Variants in GRM5 observed in about 807,000 individuals in gnomAD.
The protein encoded by GRM5 is glutamate metabotropic receptor 5.
In GRM5, 19 loss-of-function variants were observed where a neutral mutation model predicts 83.1. The observed-to-expected ratio is 0.23, with a 90% CI of 0.16 to 0.34. The LOEUF (loss-of-function observed/expected upper bound fraction) is 0.34, where lower values mean the gene tolerates loss of function less well. Among genes scored for constraint, GRM5 ranks in the 10% least tolerant of loss-of-function variants. The probability of loss-of-function intolerance (pLI) is 1.00; values close to 1 mark genes in which losing one functional copy is unlikely to be tolerated. For synonymous variants in GRM5, 675 were observed against 633.6 expected, an observed-to-expected ratio of 1.07 and a Z score of -0.98; for missense variants, 1,160 against 1,588.3, an observed-to-expected ratio of 0.73 and a Z score of 4.58.
intron 4 of GRM5, among the ~76,000 whole-genome samples, chr11:88,642,765 A>G (rs977972151): frequency 6.6e-6 from 1 of 152,166 alleles, no homozygotes; most frequent in African/African-American, 2.4e-5. Context: ...CTAAGACATG[A>G]CAAGGATGAC....
intron 8 of GRM5, among the ~76,000 whole-genome samples, chr11:88,539,166 G>A (rs776165238): frequency 7.2e-5 from 11 of 152,170 alleles, no homozygotes; most frequent in Non-Finnish European, 1.2e-4. Flanking sequence ...GGTGCTCGAT[G>A]GAAGCAGATT....
At chr11:88,986,112 T>A (rs1239833340) in intron 2 of GRM5, among the ~76,000 whole-genome samples, 1 of 152,180 alleles carries the variant, frequency 6.6e-6, no homozygotes, top group East Asian at 1.9e-4. Flanking sequence ...CTTAAATGGA[T>A]GAACGTTTAA....
chr11:88,726,127 G>A (rs868509867), intron 3 of GRM5, among the ~76,000 whole-genome samples: 5 of 152,066 alleles, frequency 3.3e-5, no homozygotes, highest in African/African-American at 1.2e-4. Context: ...ATGTAAAGAA[G>A]CTAAGAACCT....
At chr11:88,540,454 T>G (rs761728286) in intron 8 of GRM5, among the ~76,000 whole-genome samples, 2 of 152,142 alleles carry the variant, frequency 1.3e-5, no homozygotes, top group Admixed American at 6.5e-5. Flanking sequence ...TTTGCCTATA[T>G]ACATGCGAGG....
chr11:89,048,041 T>C lies in GRM5; in HGVS notation c.-169A>G, dbSNP rs201980304. Reference sequence around the variant, plus strand: ...ATTTTGTCCCCATGTACCATTTAGTTAGATGATCCATGTGGTCATGATCTT... The same window carrying C: ...ATTTTGTCCCCATGTACCATTTAGTCAGATGATCCATGTGGTCATGATCTT... On this transcript the variant is annotated 5_prime_UTR_variant, in exon 2 of 10. The change abolishes the stop of an existing upstream ORF in the 5' untranslated region. Transcript: ENST00000305447. The C allele has an allele frequency of 1.3e-3, 765 of 598,142 alleles. 19 individuals are homozygous for C. The South Asian group carries it at 0.015, about 12-fold the overall frequency. 37.1% of individuals were successfully genotyped at this position (598,142 alleles called of 1,614,324 possible). A position where few individuals can be genotyped will look rare whatever the true frequency, so the allele number is the denominator to read the frequency against.
chr11:88,844,476 T>C (rs1944264349), intron 3 of GRM5, among the ~76,000 whole-genome samples: 1 of 152,130 alleles, frequency 6.6e-6, no homozygotes, highest in Admixed American at 6.6e-5. Flanking sequence ...GATGGAGACA[T>C]ACATGGAGTT....
At chr11:88,919,954 A>T (rs1171433284) in intron 2 of GRM5, among the ~76,000 whole-genome samples, 2 of 152,072 alleles carry the variant, frequency 1.3e-5, no homozygotes, top group Non-Finnish European at 2.9e-5. Flanking sequence ...AAGGCATATA[A>T]ATTTTAGATA....
intron 2 of GRM5, among the ~76,000 whole-genome samples, chr11:88,953,957 C>A (rs1157201354): frequency 1.3e-5 from 2 of 152,126 alleles, no homozygotes; most frequent in Non-Finnish European, 2.9e-5. Context: ...GTAAACACCA[C>A]TGAAAGAACA....
At chr11:88,983,670 ATATACTT>A (rs1356821305) in intron 2 of GRM5, among the ~76,000 whole-genome samples, 1 of 152,196 alleles carries the variant, frequency 6.6e-6, no homozygotes, top group Admixed American at 6.5e-5. Flanking sequence ...ACTTCTGATA[ATATACTT>A]TATACTTTTT....
chr11:89,017,105 C>A (rs964372798), intron 2 of GRM5, among the ~76,000 whole-genome samples: 8 of 152,106 alleles, frequency 5.3e-5, no homozygotes, highest in African/African-American at 1.9e-4. Flanking sequence ...CTTTAACATT[C>A]TGTCACCATA....
At chr11:89,055,461 A>G (rs181984432) in intron 1 of GRM5, among the ~76,000 whole-genome samples, 348 of 152,282 alleles carry the variant, frequency 2.3e-3, no homozygotes, top group African/African-American at 7.9e-3. Flanking sequence ...AGTATTCATT[A>G]CCAAGCTAAT....
At position 88,632,951 on chromosome 11, in the gene GRM5, C is replaced by T. The variant is rs540764915; in HGVS notation, c.1147+20217G>A. Among the ~76,000 whole-genome samples, 86 of 152,264 alleles carry T rather than the reference C, an allele frequency of 5.6e-4. 1 individual carries two copies. The South Asian group carries it at 9.5e-3, about 17-fold the overall frequency. ...AATGATTAATCATATTGAGCATCTT[C>T]TCCTGTACTTATCTGCAATCCTTAT... On this transcript the variant is annotated intron_variant, in intron 4 of 9. Transcript: ENST00000305447.
intron 3 of GRM5, among the ~76,000 whole-genome samples, chr11:88,810,406 T>G (rs1943568218): frequency 6.6e-6 from 1 of 152,110 alleles, no homozygotes; most frequent in Non-Finnish European, 1.5e-5. Context: ...ATATCAATTC[T>G]GTACAAACAT....
intron 4 of GRM5, among the ~76,000 whole-genome samples, chr11:88,614,403 C>T (rs976400645): frequency 6.6e-6 from 1 of 152,104 alleles, no homozygotes; most frequent in Non-Finnish European, 1.5e-5. Flanking sequence ...ATCATAATAA[C>T]CTTTAGTCAC....
chr11:88,928,907 TACACACACACACAC>T (rs1555043262), intron 2 of GRM5, among the ~76,000 whole-genome samples: 40 of 138,672 alleles, frequency 2.9e-4, no homozygotes, highest in African/African-American at 1.1e-3. Context: ...TATGTGTATA[TACACACACACACAC>T]ACACACACAC....
chr11:88,720,133 T>C (rs891661929), intron 3 of GRM5, among the ~76,000 whole-genome samples: 17 of 152,068 alleles, frequency 1.1e-4, no homozygotes, highest in African/African-American at 1.7e-4. Context: ...AGGTATCCAA[T>C]TGATAGTTGT....
At chr11:88,944,494 AC>A (rs772882811) in intron 2 of GRM5, among the ~76,000 whole-genome samples, 2 of 151,860 alleles carry the variant, frequency 1.3e-5, no homozygotes, top group Non-Finnish European at 1.5e-5. Flanking sequence ...TCATATAGTT[AC>A]CCTTTGTGTG....
intron 2 of GRM5, among the ~76,000 whole-genome samples, chr11:88,956,349 T>C (rs550701462): frequency 6.6e-6 from 1 of 152,370 alleles, no homozygotes; most frequent in Non-Finnish European, 1.5e-5. Context: ...ATTAAGTGAA[T>C]TATTTTGTTG....
At chr11:88,635,971 A>G (rs1033453536) in intron 4 of GRM5, among the ~76,000 whole-genome samples, 4 of 152,230 alleles carry the variant, frequency 2.6e-5, no homozygotes, top group Admixed American at 6.5e-5. Context: ...TTATATAGAA[A>G]TACAATTCAT....
Sources: gnomAD v4.1 joint callset for allele counts (sites outside exome capture counted in the v4.1 genomes callset) on GRCh38, gnomAD v4.1.1 for gene constraint, MANE v1.5 for transcripts, NCBI Gene and HGNC (gene_info 2026-07-23, HGNC 2026-07-21) for gene names.